KDM4C: variants seen among roughly 807,000 people sequenced by gnomAD.
The protein encoded by KDM4C is lysine demethylase 4C, also known as lysine-specific demethylase 4C.
Under a neutral mutation model 129.3 loss-of-function variants are expected in KDM4C, and 81 were observed. That is an observed-to-expected ratio of 0.63 (90% confidence interval 0.52 to 0.75). The LOEUF (loss-of-function observed/expected upper bound fraction) is 0.75. Ranked by LOEUF, KDM4C falls within the 30% of genes least tolerant of loss-of-function variation. The pLI is 0.00. For synonymous variants in KDM4C, 573 were observed against 456.1 expected, an observed-to-expected ratio of 1.26 and a Z score of -3.26; for missense variants, 1,457 against 1,304.0, an observed-to-expected ratio of 1.12 and a Z score of -1.81.
intron 17 of KDM4C, among the ~76,000 whole-genome samples, chr9:7,098,059 C>T (rs1587625352): frequency 6.6e-6 from 1 of 152,230 alleles, no homozygotes; most frequent in Non-Finnish European, 1.5e-5. Context: ...TATGACTGTG[C>T]TGTTGGTGTA....
intron 3 of KDM4C, among the ~76,000 whole-genome samples, chr9:6,811,149 T>C (rs929095380): frequency 6.6e-6 from 1 of 152,134 alleles, no homozygotes; most frequent in Non-Finnish European, 1.5e-5. Flanking sequence ...AGAGGTTTTC[T>C]GCTGGGCTGT....
intron 8 of KDM4C, among the ~76,000 whole-genome samples, chr9:6,918,424 A>G (rs927242898): frequency 1.3e-5 from 2 of 152,118 alleles, no homozygotes; most frequent in African/African-American, 2.4e-5. Context: ...TCTACTGTGG[A>G]TGGGCACTTA....
chr9:6,981,139 T>C, intron 9 of KDM4C, 21 bp downstream of exon 9: 1 of 1,578,042 alleles, frequency 6.3e-7, no homozygotes. Flanking sequence ...CTCACCCCAC[T>C]GACCTGCCTT....
At chr9:6,961,221 A>G (rs1418203876) in intron 8 of KDM4C, among the ~76,000 whole-genome samples, 1 of 152,212 alleles carries the variant, frequency 6.6e-6, no homozygotes, top group Non-Finnish European at 1.5e-5. Flanking sequence ...GCTATAGCCT[A>G]ATAGTCATGA....
intron 8 of KDM4C, among the ~76,000 whole-genome samples, chr9:6,946,633 T>C (rs1827024127): frequency 6.6e-6 from 1 of 152,142 alleles, no homozygotes; most frequent in Non-Finnish European, 1.5e-5. Context: ...TTTATGTGCG[T>C]GTGTTTATGT....
intron 12 of KDM4C, among the ~76,000 whole-genome samples, chr9:6,999,802 G>A (rs551021575): frequency 1.8e-4 from 28 of 152,222 alleles, no homozygotes; most frequent in African/African-American, 5.1e-4. Flanking sequence ...TTTCCCCTGC[G>A]TAAAAAGTTC....
chr9:6,930,578 CATGTT>C (rs1412285370), intron 8 of KDM4C, among the ~76,000 whole-genome samples: 1 of 147,440 alleles, frequency 6.8e-6, no homozygotes, highest in East Asian at 2.0e-4. Context: ...TTATCTATAA[CATGTT>C]ATATATTCAT....
At chr9:7,043,091 T>C (rs1828859217) in intron 15 of KDM4C, among the ~76,000 whole-genome samples, 1 of 152,076 alleles carries the variant, frequency 6.6e-6, no homozygotes, top group African/African-American at 2.4e-5. Context: ...CTTTTGAATC[T>C]GAGTTTCTTT....
At chr9:7,124,082 C>T (rs1458961355) in intron 18 of KDM4C, among the ~76,000 whole-genome samples, 3 of 152,138 alleles carry the variant, frequency 2.0e-5, no homozygotes, top group Non-Finnish European at 2.9e-5. Context: ...TTTCATAGCA[C>T]CCCTTTGATT....
intron 8 of KDM4C, among the ~76,000 whole-genome samples, chr9:6,912,392 A>T (rs541621319): frequency 2.4e-4 from 36 of 152,184 alleles, no homozygotes; most frequent in Non-Finnish European, 3.7e-4. Context: ...TGTACACACC[A>T]TGCTGGCATT....
intron 18 of KDM4C, among the ~76,000 whole-genome samples, chr9:7,113,341 A>G (rs1838542377): frequency 6.6e-6 from 1 of 152,236 alleles, no homozygotes. Context: ...ACCTTTTAGA[A>G]TATTGACATT....
At position 7,049,713 on chromosome 9, in the gene KDM4C, T is replaced by A. The variant is rs76062914; in HGVS notation, c.2424+513T>A. On this transcript the variant is annotated intron_variant, in intron 17 of 21. Transcript: ENST00000381309. ...CACTTAATATGCCAAACTCTCTGGC[T>A]TGTTCAGAAACTGTGTAAAAATCTT... is the stretch of plus-strand genomic sequence containing the variant. 3.3e-5 allele frequency among the ~76,000 whole-genome samples: 5 copies of A among 152,270 alleles called. No homozygotes were observed. The East Asian group carries it at 9.7e-4, about 29-fold the overall frequency.
chr9:6,745,047 C>T lies in KDM4C; in HGVS notation c.49+24050C>T, dbSNP rs115225871. On this transcript the variant is annotated intron_variant, in intron 1 of 17. Transcript: ENST00000536108. ...TTTCACCTTTGACCCAATAGGTCTC[C>T]CCAGACCTTGGGTGGTGGCACTGGA... Among the ~76,000 whole-genome samples the T allele has an allele frequency of 2.7e-3, 405 of 152,228 alleles. 4 individuals are homozygous for T. Among genetic ancestry groups the T allele is most frequent in the African/African-American group, 8.3e-3 (345 of 41,538 alleles).
At chr9:7,072,465 T>C (rs1260211133) in intron 17 of KDM4C, among the ~76,000 whole-genome samples, 1 of 152,206 alleles carries the variant, frequency 6.6e-6, no homozygotes, top group East Asian at 1.9e-4. Context: ...ACTAGAGATT[T>C]CATCAACCAT....
chr9:6,972,129 T>C (rs1832087394), intron 8 of KDM4C, among the ~76,000 whole-genome samples: 1 of 152,020 alleles, frequency 6.6e-6, no homozygotes, highest in Non-Finnish European at 1.5e-5. Flanking sequence ...CACCTTTGGT[T>C]TAAGATAAAT....
In KDM4C at chr9:7,082,706, G is replaced by A. The variant is rs190943900; in HGVS notation, c.2425-20979G>A. Among the ~76,000 whole-genome samples, 4 of 152,262 alleles carry A rather than the reference G, an allele frequency of 2.6e-5. No homozygotes were observed. In the East Asian group the frequency reaches 7.7e-4, roughly 29 times the overall value. On this transcript the variant is annotated intron_variant, in intron 17 of 21. Coordinates refer to ENST00000381309, the MANE Select transcript of KDM4C (RefSeq NM_015061.6). ...CACGCGTGGCTCCAAATCCCACACT[G>A]CTTTAGAGCTGCTTCCTTGAAGGCA...
At chr9:6,961,359 G>A (rs1010769235) in intron 8 of KDM4C, among the ~76,000 whole-genome samples, 11 of 152,000 alleles carry the variant, frequency 7.2e-5, no homozygotes, top group African/African-American at 2.7e-4. Context: ...CATCCAGATG[G>A]CTTGCATGCA....
chr9:7,011,932 C>T, intron 13 of KDM4C, 53 bp downstream of exon 13: 1 of 1,426,386 alleles, frequency 7.0e-7, no homozygotes, highest in Non-Finnish European at 9.8e-7. Context: ...TCCATGTGAC[C>T]ACATACCACA....
intron 8 of KDM4C, among the ~76,000 whole-genome samples, chr9:6,912,811 G>A (rs1819570633): frequency 6.6e-6 from 1 of 152,120 alleles, no homozygotes; most frequent in Admixed American, 6.5e-5. Flanking sequence ...TATTCCCTAT[G>A]TGTTACCATG....
Sources: allele counts gnomAD v4.1 joint callset (sites outside exome capture counted in the v4.1 genomes callset), GRCh38; gene constraint gnomAD v4.1.1; transcripts MANE v1.5; gene names NCBI Gene and HGNC (gene_info 2026-07-23, HGNC 2026-07-21).